The following MAP4 variants were observed in gnomAD, a reference collection of about 807,000 sequenced individuals.
MAP4 encodes microtubule-associated protein 4.
A neutral mutation model predicts 170.2 loss-of-function variants in MAP4; 76 were observed. The ratio of observed to expected loss-of-function variants is 0.45; its 90% CI spans 0.37 to 0.54. MAP4 has a LOEUF of 0.54. Ranked by LOEUF, MAP4 falls within the 20% of genes least tolerant of loss-of-function variation. MAP4 has a pLI of 0.00. For missense variants in MAP4, 2,506 were observed against 2,748.0 expected, an observed-to-expected ratio of 0.91 and a Z score of 1.97; for synonymous variants, 909 against 994.5, an observed-to-expected ratio of 0.91 and a Z score of 1.62.
chr3:47,881,064 G>A (rs1451988590), intron 10 of MAP4, among the ~76,000 whole-genome samples: 1 of 152,050 alleles, frequency 6.6e-6, no homozygotes, highest in African/African-American at 2.4e-5. Context: ...GTTTTTTGGT[G>A]TGTATACATT....
intron 1 of MAP4, among the ~76,000 whole-genome samples, chr3:48,012,410 G>A (rs1218533424): frequency 6.6e-6 from 1 of 152,264 alleles, no homozygotes; most frequent in East Asian, 1.9e-4. Context: ...CATGGTCAAA[G>A]AGAACTTAAA....
At chr3:47,888,927 G>C (rs2098120640) in intron 10 of MAP4, among the ~76,000 whole-genome samples, 1 of 152,188 alleles carries the variant, frequency 6.6e-6, no homozygotes, top group Non-Finnish European at 1.5e-5. Context: ...GAGTTGACTG[G>C]ACCAAGCTGA....
intron 2 of MAP4, among the ~76,000 whole-genome samples, chr3:47,983,416 T>C (rs527265211): frequency 2.6e-5 from 4 of 152,110 alleles, no homozygotes; most frequent in Admixed American, 2.6e-4. Flanking sequence ...AGACTGAGTC[T>C]CCCTCTGTCA....
chr3:47,974,087 T>C, intron 3 of MAP4: 1 of 985,312 alleles, frequency 1.0e-6, no homozygotes, highest in South Asian at 4.7e-5. Context: ...CATGATATTC[T>C]AATCTTACCA....
At chr3:47,912,679 G>C (rs1256895044) in intron 8 of MAP4, among the ~76,000 whole-genome samples, 2 of 152,044 alleles carry the variant, frequency 1.3e-5, no homozygotes, top group African/African-American at 2.4e-5. Flanking sequence ...TAAAATATTT[G>C]AAATTTCAGA....
chr3:47,861,802 T>G (rs957817236), intron 17 of MAP4, among the ~76,000 whole-genome samples: 1 of 151,832 alleles, frequency 6.6e-6, no homozygotes, highest in Non-Finnish European at 1.5e-5. Flanking sequence ...GAGGTTGCAG[T>G]GAGCCAAAAT....
rs1367811938 is a variant in MAP4 at position 47,911,883 on chromosome 3, A to G, written c.2538T>C (p.Ala846=). 1 of 1,536,028 alleles carries G rather than the reference A, an allele frequency of 6.5e-7. No individual in the cohort carries two copies. The highest frequency in any genetic ancestry group is 2.4e-5 in the East Asian group (1 of 40,938). The change falls in exon 9 of 21, where the codon GCT becomes GCC. Residue 846 remains alanine (A), a synonymous_variant. Transcript: ENST00000683076. The surrounding 1 kb of genome is among the most constrained non-coding windows in gnomAD (Gnocchi z 4.0). ...TGAGACTCTCTGAGACAAAGTTCTC[A>G]GCTACCAGTCTGGCTGCACTGGAGT... ...LVNSSAARLV[A]ENFVSESLRI... is the part of the protein sequence containing the mutation.
intron 3 of MAP4, among the ~76,000 whole-genome samples, chr3:47,935,835 A>G (rs1186358906): frequency 1.3e-5 from 2 of 150,968 alleles, no homozygotes; most frequent in African/African-American, 4.9e-5. Context: ...GCTACTCAGG[A>G]GGCTGAGACA....
At chr3:48,058,415 C>A (rs2100133431) in intron 1 of MAP4, among the ~76,000 whole-genome samples, 1 of 152,182 alleles carries the variant, frequency 6.6e-6, no homozygotes, top group South Asian at 2.1e-4. Flanking sequence ...ACATACCCAC[C>A]CACTTGCAAA....
intron 2 of MAP4, among the ~76,000 whole-genome samples, chr3:47,983,299 G>A (rs967881288): frequency 6.6e-6 from 1 of 152,074 alleles, no homozygotes; most frequent in Non-Finnish European, 1.5e-5. Context: ...ACCTCAAAAT[G>A]CTGGGTTCAA....
chr3:47,986,698 T>C (rs1467779568), intron 2 of MAP4, among the ~76,000 whole-genome samples: 1 of 152,188 alleles, frequency 6.6e-6, no homozygotes, highest in Admixed American at 6.6e-5. Flanking sequence ...TTTGGTACGA[T>C]ATTTTTTTTC....
At chr3:48,004,927 GT>G (rs1160491194) in intron 1 of MAP4, among the ~76,000 whole-genome samples, 2 of 152,070 alleles carry the variant, frequency 1.3e-5, no homozygotes, top group African/African-American at 4.8e-5. Flanking sequence ...CTCTCAGGCA[GT>G]TGCCAGGCAA....
chr3:47,873,337 T>C (rs2094133010), intron 12 of MAP4, among the ~76,000 whole-genome samples: 1 of 152,128 alleles, frequency 6.6e-6, no homozygotes, highest in African/African-American at 2.4e-5. Flanking sequence ...TCTACGGGGA[T>C]AGGGGATGAA....
chr3:48,064,018 T>C (rs999951654), intron 1 of MAP4, among the ~76,000 whole-genome samples: 5 of 152,192 alleles, frequency 3.3e-5, no homozygotes, highest in African/African-American at 1.2e-4. Flanking sequence ...GCTGTCCTTG[T>C]TCATTCCTAG....
chr3:47,877,351 T>A, intron 11 of MAP4, 66 bp downstream of exon 11: 2 of 1,207,030 alleles, frequency 1.7e-6, no homozygotes, highest in Non-Finnish European at 2.5e-6. Context: ...ATTCAAGCAA[T>A]AACAGCAGAA....
In MAP4 at chr3:47,909,697, A is replaced by G; in HGVS notation, c.4724T>C (p.Leu1575Pro). ...GTCTTCTACTGGCACTCCAGGAAGG[A>G]GGTGACCTTTTGCTAGCTCTGTGAC... is the stretch of plus-strand genomic sequence containing the variant. Reference protein sequence around the residue: ...EKVTELAKGHLLPGVPVEDQS... With the variant: ...EKVTELAKGHPLPGVPVEDQS... The change falls in exon 9 of 21, where the codon CTC (leucine) becomes CCC (proline). Residue 1575 changes from leucine (L) to proline (P), a missense_variant. Coordinates refer to ENST00000683076, the MANE Select transcript of MAP4 (RefSeq NM_001385682.1). The G allele has an allele frequency of 6.2e-7, 1 of 1,613,992 alleles. No homozygotes were observed. The highest frequency in any genetic ancestry group is 1.3e-5 in the African/African-American group (1 of 75,050).
intron 3 of MAP4, chr3:47,974,376 G>C (rs2100080712): frequency 1.4e-6 from 1 of 734,782 alleles, no homozygotes; most frequent in South Asian, 6.2e-5. Flanking sequence ...AGTAAGCCAA[G>C]ATCGCGCCAC....
intron 10 of MAP4, among the ~76,000 whole-genome samples, chr3:47,879,678 C>G (rs1306876023): frequency 1.2e-5 from 1 of 86,558 alleles, no homozygotes; most frequent in Non-Finnish European, 3.0e-5. Context: ...TTTGTGTAAC[C>G]ACCACCACCA....
At chr3:48,059,528 A>AG (rs2100134033) in intron 1 of MAP4, among the ~76,000 whole-genome samples, 1 of 151,178 alleles carries the variant, frequency 6.6e-6, no homozygotes, top group African/African-American at 2.4e-5. Flanking sequence ...AAAAAAAAAA[A>AG]AAAAAAAAAA....
Sources: allele counts gnomAD v4.1 joint callset (sites outside exome capture counted in the v4.1 genomes callset), GRCh38; gene constraint gnomAD v4.1.1; non-coding constraint Gnocchi (gnomAD v3.1); transcripts MANE v1.5; gene names NCBI Gene and HGNC (gene_info 2026-07-23, HGNC 2026-07-21).